NMUR2: variants seen among roughly 807,000 people sequenced by gnomAD.
NMUR2 encodes neuromedin U receptor 2.
NMUR2 carries 24 observed loss-of-function variants against 25.1 expected under a neutral mutation model. The observed-to-expected ratio is 0.96, with a 90% confidence interval of 0.69 to 1.34. NMUR2 has a LOEUF of 1.34. NMUR2 is among the 40% of genes most tolerant of loss of function. The pLI is 0.00. For synonymous variants in NMUR2, 218 were observed against 208.1 expected, an observed-to-expected ratio of 1.05 and a Z score of -0.41; for missense variants, 533 against 512.8, an observed-to-expected ratio of 1.04 and a Z score of -0.38.
At chr5:152,396,956 C>A (rs1025894646) in intron 2 of NMUR2, among the ~76,000 whole-genome samples, 1 of 149,820 alleles carries the variant, frequency 6.7e-6, no homozygotes, top group East Asian at 1.9e-4. Flanking sequence ...CCCATCCCAA[C>A]GCAAATACTT....
At chr5:152,393,722 T>C (rs1753099344) in intron 3 of NMUR2, among the ~76,000 whole-genome samples, 1 of 152,116 alleles carries the variant, frequency 6.6e-6, no homozygotes, top group African/African-American at 2.4e-5. Flanking sequence ...ATTCACATAA[T>C]AACAGAAACA....
intron 3 of NMUR2, among the ~76,000 whole-genome samples, chr5:152,393,606 G>A (rs1753097867): frequency 6.6e-6 from 1 of 152,152 alleles, no homozygotes; most frequent in Non-Finnish European, 1.5e-5. Flanking sequence ...TCTTGGAATG[G>A]TACTGCAGAG....
chr5:152,401,131 T>C (rs1483050353), intron 1 of NMUR2, among the ~76,000 whole-genome samples: 1 of 152,194 alleles, frequency 6.6e-6, no homozygotes, highest in Admixed American at 6.5e-5. Flanking sequence ...GCTTTATCGT[T>C]GAATAATTTC....
chr5:152,392,395 CTGTT>C lies in NMUR2; in HGVS notation c.1040_1043del (p.Lys347SerfsTer19), dbSNP rs1301448365. On this transcript the variant is annotated frameshift_variant, in exon 4 of 4. Transcript: ENST00000255262. LOFTEE classifies it low-confidence loss of function (END_TRUNC). The stretch of plus-strand genomic sequence containing the variant: ...ACTGTGGGTCATGCTGGGAGTGCCA[CTGTT>C]TGTGGAAAGAAGAGATCACATTCTG... 6.2e-7 allele frequency: 1 copy of C among 1,613,852 alleles called. No individual in the cohort carries two copies. Among genetic ancestry groups the C allele is most frequent in the African/African-American group, 1.3e-5 (1 of 74,894 alleles).
chr5:152,398,112 T>C lies in NMUR2; in HGVS notation c.759A>G (p.Glu253=). The C allele has an allele frequency of 4.3e-6, 7 of 1,613,318 alleles. No individual in the cohort carries two copies. The highest frequency in any genetic ancestry group is 1.3e-5 in the African/African-American group (1 of 75,026). ...LKKDKSLEAD[E]GNANIQRPCR... ...AGGGTCTTTGAATATTTGCATTCCC[T>C]TCATCTGCCTCAAGAGATTTGTCTT... The change falls in exon 2 of 4, where the codon GAA becomes GAG. Residue 253 remains glutamate, a synonymous_variant. Coordinates refer to ENST00000255262, the MANE Select transcript of NMUR2 (RefSeq NM_020167.5).
At chr5:152,402,703 T>C (rs999613272) in intron 1 of NMUR2, among the ~76,000 whole-genome samples, 1 of 152,110 alleles carries the variant, frequency 6.6e-6, no homozygotes, top group African/African-American at 2.4e-5. Flanking sequence ...AGTGGGTGGG[T>C]ATTTCTCATA....
At chr5:152,400,842 C>A (rs1682898604) in intron 1 of NMUR2, among the ~76,000 whole-genome samples, 2 of 152,134 alleles carry the variant, frequency 1.3e-5, no homozygotes, top group Admixed American at 1.3e-4. Flanking sequence ...CCCCAAGGAA[C>A]AATTTTTAAA....
rs770459371 is a variant in NMUR2, at chr5:152,405,128, T to C, written c.-15A>G. On this transcript the variant is annotated 5_prime_UTR_variant, in exon 1 of 4. Coordinates refer to ENST00000255262, the MANE Select transcript of NMUR2 (RefSeq NM_020167.5). ...ATCCCTGACATTAAAATCCAAGGCCTGAGCCTCCCCTGGTACGAGGCTCTG... is the reference window on the plus strand; with the variant it reads ...ATCCCTGACATTAAAATCCAAGGCCCGAGCCTCCCCTGGTACGAGGCTCTG... 3.2e-6 allele frequency: 5 copies of C among 1,575,520 alleles called. No individual in the cohort carries two copies. Among genetic ancestry groups the C allele is most frequent in the Non-Finnish European group, 4.3e-6 (5 of 1,161,510 alleles).
rs1753326612 is a variant in NMUR2 at position 152,404,833 on chromosome 5, AC to A, written c.280del (p.Val94SerfsTer136). ...CTCCAGGGGCATTCCAAGGAGCAGG[AC>A]CAGGAGGTCAGAGACCGCCAGGCTG... Reference protein sequence around the residue: ...LFSLAVSDLLVLLLGMPLEVY... With the variant: ...LFSLAVSDLLXLLLGMPLEVY... On this transcript the variant is annotated frameshift_variant, in exon 1 of 4. Transcript: ENST00000255262. LOFTEE classifies it high-confidence loss of function. 6.2e-7 allele frequency: 1 copy of A among 1,613,964 alleles called. No individual in the cohort carries two copies. Among genetic ancestry groups the A allele is most frequent in the Non-Finnish European group, 8.5e-7 (1 of 1,180,012 alleles).
chr5:152,400,238 A>G (rs1294946019), intron 1 of NMUR2, among the ~76,000 whole-genome samples: 1 of 152,136 alleles, frequency 6.6e-6, no homozygotes, highest in Non-Finnish European at 1.5e-5. Flanking sequence ...CTGTGTCTTC[A>G]TAAAGTAAAG....
chr5:152,402,273 A>G (rs1305094012), intron 1 of NMUR2, among the ~76,000 whole-genome samples: 1 of 152,122 alleles, frequency 6.6e-6, no homozygotes, highest in African/African-American at 2.4e-5. Context: ...AGACAGTAGG[A>G]ACATTTCAGG....
intron 3 of NMUR2, 116 bp downstream of exon 3, chr5:152,395,343 T>G: frequency 8.4e-7 from 1 of 1,189,808 alleles, no homozygotes; most frequent in South Asian, 1.4e-5. Flanking sequence ...AATGTCTTCA[T>G]TATAGCATGG....
At chr5:152,396,574 C>G (rs1753154662) in intron 2 of NMUR2, among the ~76,000 whole-genome samples, 1 of 152,152 alleles carries the variant, frequency 6.6e-6, no homozygotes, top group South Asian at 2.1e-4. Context: ...AGTCCCTAAT[C>G]TGTTCACTAC....
In NMUR2 at chr5:152,397,468, C is replaced by T. The variant is rs546285794; in HGVS notation, c.811+592G>A. On this transcript the variant is annotated intron_variant, in intron 2 of 3. Coordinates refer to ENST00000255262, the MANE Select transcript of NMUR2 (RefSeq NM_020167.5). ...TACAATGTCATATGTGAAATGGCTA[C>T]TTGGAGATGCTTGCCAGATGTTCTT... Among the ~76,000 whole-genome samples, 286 of 152,200 alleles carry T rather than the reference C, an allele frequency of 1.9e-3. 2 individuals are homozygous for T. The highest frequency in any genetic ancestry group is 3.4e-3 in the Middle Eastern group (1 of 294).
intron 3 of NMUR2, 26 bp downstream of exon 3, chr5:152,395,433 T>G: frequency 6.2e-7 from 1 of 1,613,182 alleles, no homozygotes; most frequent in Non-Finnish European, 8.5e-7. Flanking sequence ...ATACTAGTCA[T>G]GCACCAAATC....
intron 3 of NMUR2, among the ~76,000 whole-genome samples, chr5:152,392,704 T>C (rs987888434): frequency 1.3e-5 from 2 of 152,198 alleles, no homozygotes; most frequent in Non-Finnish European, 2.9e-5. Context: ...AACACAAAGA[T>C]TAAAGAGTCT....
chr5:152,393,919 T>C (rs1753103281), intron 3 of NMUR2, among the ~76,000 whole-genome samples: 1 of 152,120 alleles, frequency 6.6e-6, no homozygotes, highest in South Asian at 2.1e-4. Context: ...AACTCTCTAA[T>C]TACCAATTTG....
chr5:152,401,643 G>A (rs1753256136), intron 1 of NMUR2, among the ~76,000 whole-genome samples: 1 of 152,214 alleles, frequency 6.6e-6, no homozygotes, highest in Non-Finnish European at 1.5e-5. Flanking sequence ...TGCAGGAGAT[G>A]TAAGAACTAA....
chr5:152,404,713 A>T lies in NMUR2; in HGVS notation c.401T>A (p.Ile134Asn), dbSNP rs753190788. 5 of 1,614,058 alleles carry T rather than the reference A, an allele frequency of 3.1e-6. No homozygotes were observed. The highest frequency in any genetic ancestry group is 4.5e-5 in the East Asian group (2 of 44,864). The stretch of plus-strand genomic sequence containing the variant: ...CACGCTGACGGTGGTGATGCTGAGG[A>T]TGGAGGCGAAGCACACGGTCTCAAA... The part of the protein sequence containing the change: ...ALFETVCFAS[I>N]LSITTVSVER... The change falls in exon 1 of 4, where the codon ATC becomes AAC. Residue 134 changes from isoleucine to asparagine, a missense_variant. Transcript: ENST00000255262.
Sources: allele counts gnomAD v4.1 joint callset (sites outside exome capture counted in the v4.1 genomes callset), GRCh38; gene constraint gnomAD v4.1.1; transcripts MANE v1.5; gene names NCBI Gene and HGNC (gene_info 2026-07-23, HGNC 2026-07-21).